Variants in SPON1 observed in about 807,000 individuals in gnomAD.
SPON1 encodes the protein spondin-1.
SPON1 carries 52 observed loss-of-function variants against 111.7 expected under a neutral mutation model. That is an observed-to-expected ratio of 0.47 (90% CI 0.37 to 0.59). SPON1 has a LOEUF of 0.59. Ranked by LOEUF, SPON1 falls within the 20% of genes least tolerant of loss-of-function variation. The pLI is 0.00. For synonymous variants in SPON1, 410 were observed against 395.8 expected (o/e 1.04, Z -0.43); for missense variants, 957 against 1,068.5 (o/e 0.90, Z 1.46).
chr11:14,093,589 C>T (rs1405665003), intron 5 of SPON1, among the ~76,000 whole-genome samples: 7 of 152,082 alleles, frequency 4.6e-5, no homozygotes, highest in African/African-American at 1.7e-4. Context: ...ATAAATACAG[C>T]AATTGGGAAA....
intron 5 of SPON1, among the ~76,000 whole-genome samples, chr11:14,098,018 C>T (rs1055388803): frequency 1.5e-4 from 23 of 152,200 alleles, no homozygotes; most frequent in South Asian, 4.1e-4. Context: ...CTTTTTGAGA[C>T]GGAGTCTCGC....
rs574943010 is a variant in SPON1, at chr11:14,012,385, G to T, written c.346-29136G>T. Among the ~76,000 whole-genome samples the T allele has an allele frequency of 6.5e-4, 99 of 152,268 alleles. 1 individual carries two copies. The highest frequency in any genetic ancestry group is 6.8e-3 in the Middle Eastern group (2 of 294). ...AGCAGGGCTTCCTATGACCCCAAAT[G>T]GGGGTCAGCTTTTGACTCTGGTGAG... On this transcript the variant is annotated intron_variant, in intron 2 of 15. Transcript: ENST00000576479.
At chr11:13,995,872 T>C (rs1848268021) in intron 2 of SPON1, among the ~76,000 whole-genome samples, 1 of 152,216 alleles carries the variant, frequency 6.6e-6, no homozygotes, top group African/African-American at 2.4e-5. Flanking sequence ...AAGAACCATA[T>C]TGCAGCCTGC....
At chr11:13,963,458 C>T (rs1214915007) in intron 1 of SPON1, among the ~76,000 whole-genome samples, 2 of 152,208 alleles carry the variant, frequency 1.3e-5, no homozygotes, top group Non-Finnish European at 2.9e-5. Context: ...TCGCTTCTCC[C>T]CCGGCCGTCT....
chr11:14,251,940 G>T (rs1849057425), intron 7 of SPON1, among the ~76,000 whole-genome samples: 2 of 152,236 alleles, frequency 1.3e-5, no homozygotes, highest in Admixed American at 1.3e-4. Flanking sequence ...AGTAGCTGAT[G>T]ATGTCATTGC....
chr11:14,037,970 A>G (rs1159898768), intron 2 of SPON1, among the ~76,000 whole-genome samples: 3 of 152,130 alleles, frequency 2.0e-5, no homozygotes, highest in African/African-American at 7.2e-5. Flanking sequence ...GTTCGAGACC[A>G]GCCTGGCCAA....
At chr11:14,265,133 G>A (rs1168435111) in intron 15 of SPON1, among the ~76,000 whole-genome samples, 11 of 152,140 alleles carry the variant, frequency 7.2e-5, no homozygotes, top group Non-Finnish European at 1.5e-4. Flanking sequence ...CGTATCTGGG[G>A]CCTCATGAGA....
intron 3 of SPON1, among the ~76,000 whole-genome samples, chr11:14,044,330 G>A (rs1276218698): frequency 6.6e-6 from 1 of 152,180 alleles, no homozygotes; most frequent in African/African-American, 2.4e-5. Context: ...ATGACATCTT[G>A]GCTGGACACA....
At chr11:14,147,150 C>A (rs11023111) in intron 6 of SPON1, among the ~76,000 whole-genome samples, 58,997 of 149,610 alleles carry the variant, frequency 0.39, 11,834 homozygotes, top group East Asian at 0.55. Context: ...CTGTCTCAGC[C>A]TCCTGAGTAG....
At chr11:14,044,307 A>C (rs1200092867) in intron 3 of SPON1, among the ~76,000 whole-genome samples, 1 of 152,164 alleles carries the variant, frequency 6.6e-6, no homozygotes, top group East Asian at 1.9e-4. Context: ...AATAAAGAAA[A>C]AGTTAAAGAT....
In SPON1 at chr11:14,111,629, T is replaced by C. The variant is rs79920624; in HGVS notation, c.677-23791T>C. On this transcript the variant is annotated intron_variant, in intron 5 of 15. Transcript: ENST00000576479. ...TGAGTTGAAAATATACCCTGAAGAA[T>C]TGTTTATGCCAAATAAGGCTGACTA... 6.8e-4 allele frequency among the ~76,000 whole-genome samples: 104 copies of C among 152,294 alleles called. 1 individual carries two copies. Among genetic ancestry groups the C allele is most frequent in the Middle Eastern group, 3.4e-3 (1 of 294 alleles).
intron 2 of SPON1, among the ~76,000 whole-genome samples, chr11:13,983,686 G>A (rs1223874740): frequency 6.6e-6 from 1 of 152,228 alleles, no homozygotes; most frequent in Non-Finnish European, 1.5e-5. Context: ...CCGGCAAGTT[G>A]TCAGAACACA....
chr11:14,060,628 C>A (rs1848784534), intron 3 of SPON1, among the ~76,000 whole-genome samples: 1 of 152,218 alleles, frequency 6.6e-6, no homozygotes, highest in Admixed American at 6.5e-5. Flanking sequence ...TTGGCCCCAC[C>A]TCTGGAAATT....
chr11:14,091,780 T>G (rs1369949694), intron 5 of SPON1, among the ~76,000 whole-genome samples: 1 of 152,186 alleles, frequency 6.6e-6, no homozygotes, highest in Non-Finnish European at 1.5e-5. Context: ...GCTCCCACAG[T>G]GCAGTGGGGG....
intron 6 of SPON1, among the ~76,000 whole-genome samples, chr11:14,206,390 A>G (rs545415887): frequency 6.6e-6 from 1 of 152,034 alleles, no homozygotes; most frequent in Non-Finnish European, 1.5e-5. Flanking sequence ...GATGGGTTTC[A>G]CCATATTGGT....
intron 2 of SPON1, among the ~76,000 whole-genome samples, chr11:14,031,946 C>T (rs1216531597): frequency 6.6e-6 from 1 of 152,146 alleles, no homozygotes; most frequent in East Asian, 1.9e-4. Context: ...CAATAATAAA[C>T]TACATTAATT....
rs368529061 is a variant in SPON1 at position 14,105,442 on chromosome 11, C to A, written c.676+25421C>A. Reference sequence around the variant, plus strand: ...ACTACCATTGTTTACTCCTTCCTGCCCCTTCCTGCTGTAATGAGCTCTTCT... The same window carrying A: ...ACTACCATTGTTTACTCCTTCCTGCACCTTCCTGCTGTAATGAGCTCTTCT... On this transcript the variant is annotated intron_variant, in intron 5 of 15. Transcript: ENST00000576479. 3.3e-5 allele frequency among the ~76,000 whole-genome samples: 5 copies of A among 152,064 alleles called. No individual in the cohort carries two copies. The East Asian group carries it at 9.6e-4, about 29-fold the overall frequency.
intron 1 of SPON1, among the ~76,000 whole-genome samples, chr11:13,974,699 T>A (rs1281463459): frequency 6.6e-6 from 1 of 152,140 alleles, no homozygotes; most frequent in Non-Finnish European, 1.5e-5. Context: ...AATTCAATAA[T>A]TACACAACCT....
chr11:13,964,223 G>A (rs1554907827), intron 1 of SPON1, among the ~76,000 whole-genome samples: 1 of 152,218 alleles, frequency 6.6e-6, no homozygotes. Context: ...AGCCTGTCTG[G>A]CCTCACCTTA....
Sources: gnomAD v4.1 joint callset for allele counts (sites outside exome capture counted in the v4.1 genomes callset) on GRCh38, gnomAD v4.1.1 for gene constraint, MANE v1.5 for transcripts, NCBI Gene and HGNC (gene_info 2026-07-23, HGNC 2026-07-21) for gene names.